The following CAP2 variants were observed in gnomAD, a reference collection of about 807,000 sequenced individuals.
CAP2 encodes adenylyl cyclase-associated protein 2.
In CAP2, 24 loss-of-function variants were observed where a neutral mutation model predicts 57.7. The observed-to-expected ratio is 0.42, with a 90% CI of 0.30 to 0.58. The LOEUF is 0.58. CAP2 is among the 20% of genes least tolerant of loss of function. The probability of loss-of-function intolerance (pLI) is 0.22; values close to 1 mark genes in which losing one functional copy is unlikely to be tolerated. For missense variants in CAP2, 501 were observed against 590.3 expected (o/e 0.85, Z 1.57); for synonymous variants, 194 against 207.2 (o/e 0.94, Z 0.55).
chr6:17,437,578 CAT>C (rs1310112107), intron 3 of CAP2, among the ~76,000 whole-genome samples: 1 of 152,048 alleles, frequency 6.6e-6, no homozygotes, highest in Non-Finnish European at 1.5e-5. Context: ...AGCACTTTTT[CAT>C]ATGTTTAAGG....
intron 1 of CAP2, among the ~76,000 whole-genome samples, chr6:17,402,296 G>A (rs1758838485): frequency 6.6e-6 from 1 of 152,146 alleles, no homozygotes; most frequent in African/African-American, 2.4e-5. Flanking sequence ...AATGGTTTAT[G>A]TCTAACCCAT....
At chr6:17,506,637 C>CA (rs11299768) in intron 4 of CAP2, among the ~76,000 whole-genome samples, 1,706 of 145,488 alleles carry the variant, frequency 0.012, 37 homozygotes, top group African/African-American at 0.036. Context: ...GACTCCATCT[C>CA]AAAAAAAAAA....
intron 4 of CAP2, among the ~76,000 whole-genome samples, chr6:17,478,718 G>A (rs1200647240): frequency 6.6e-6 from 1 of 152,010 alleles, no homozygotes; most frequent in Non-Finnish European, 1.5e-5. Flanking sequence ...GGAACACTCT[G>A]TCCTCCCTGA....
intron 3 of CAP2, among the ~76,000 whole-genome samples, chr6:17,428,699 C>T (rs1759651654): frequency 6.6e-6 from 1 of 151,352 alleles, no homozygotes; most frequent in South Asian, 2.1e-4. Context: ...GGGTGCAGCG[C>T]ACCAGCATGG....
chr6:17,551,573 T>C lies in CAP2; in HGVS notation c.1319T>C (p.Met440Thr), dbSNP rs1405995552. The C allele has an allele frequency of 5.6e-6, 9 of 1,611,958 alleles. No individual in the cohort carries two copies. Among genetic ancestry groups the C allele is most frequent in the Non-Finnish European group, 5.9e-6 (7 of 1,178,684 alleles). Residue 440 changes from methionine (M) to threonine (T), a missense_variant, in exon 12 of 13, where the codon ATG becomes ACG. Coordinates refer to ENST00000229922, the MANE Select transcript of CAP2 (RefSeq NM_006366.3). The part of the protein sequence containing the change: ...CEIVSAKSSE[M>T]NILIPQDGDY... ...ATCGTGAGCGCCAAGTCATCTGAAA[T>C]GAACATACTTATCCCTCAGGATGGT...
At chr6:17,405,253 C>T (rs978396157) in intron 1 of CAP2, among the ~76,000 whole-genome samples, 4 of 151,754 alleles carry the variant, frequency 2.6e-5, no homozygotes, top group Admixed American at 6.6e-5. Context: ...GTGGTATAGA[C>T]GCTTGTTAAT....
At chr6:17,507,144 G>T (rs746014046) in intron 4 of CAP2, 25 bp from the exon 5 acceptor site, 4 of 1,614,036 alleles carry the variant, frequency 2.5e-6, no homozygotes, top group Non-Finnish European at 3.4e-6. Context: ...TGTAGTAAAA[G>T]CCCCCGATGT....
Position 17,467,636 on chromosome 6 carries a change from G to C in CAP2, c.300+4563G>C, listed in dbSNP as rs144676839. Among the ~76,000 whole-genome samples the C allele has an allele frequency of 2.6e-3, 397 of 152,202 alleles. 2 individuals are homozygous for C. Among genetic ancestry groups the C allele is most frequent in the African/African-American group, 8.8e-3 (365 of 41,536 alleles). On this transcript the variant is annotated intron_variant, in intron 4 of 12. Transcript: ENST00000229922. ...CCTCCTAGCTTCAAGCAATTCTCCT[G>C]CCTCAGCCTCCTGAGTAGCTGGGAT...
rs368857405 is a variant in CAP2 at position 17,394,806 on chromosome 6, CTAAT to C, written c.-2+1063_-2+1066del. ...GAATTGGATTTATAGTTACTAGAGT[CTAAT>C]TAGACTGCAAGCCTCTTGAAAGCAA... On this transcript the variant is annotated intron_variant, in intron 1 of 12. Transcript: ENST00000229922. 2.9e-3 allele frequency among the ~76,000 whole-genome samples: 442 copies of C among 152,276 alleles called. 2 individuals carry two copies. Among genetic ancestry groups the C allele is most frequent in the African/African-American group, 9.4e-3 (390 of 41,544 alleles).
chr6:17,458,815 A>T (rs1290490679), intron 3 of CAP2, among the ~76,000 whole-genome samples: 1 of 151,688 alleles, frequency 6.6e-6, no homozygotes, highest in Non-Finnish European at 1.5e-5. Context: ...AAATGAAATT[A>T]TGTATAGAAG....
At chr6:17,491,554 C>T (rs1310394930) in intron 4 of CAP2, among the ~76,000 whole-genome samples, 1 of 152,178 alleles carries the variant, frequency 6.6e-6, no homozygotes, top group Non-Finnish European at 1.5e-5. Context: ...CAGAACCTTA[C>T]AGATGACATA....
At chr6:17,540,434 A>C (rs1016215084) in intron 8 of CAP2, among the ~76,000 whole-genome samples, 2 of 150,056 alleles carry the variant, frequency 1.3e-5, no homozygotes, top group African/African-American at 4.9e-5. Flanking sequence ...CCAACAGAAG[A>C]GGTTCCTCAA....
In CAP2 at chr6:17,445,517, A is replaced by T. The variant is rs1429458092; in HGVS notation, c.223-17479A>T. On this transcript the variant is annotated intron_variant, in intron 3 of 12. Transcript: ENST00000229922. ...TTCCCCCTCAATTGTTTTCAAAATGATAGCGATCGGGCAAGAAATGACTTT... is the reference window on the plus strand; with the variant it reads ...TTCCCCCTCAATTGTTTTCAAAATGTTAGCGATCGGGCAAGAAATGACTTT... Among the ~76,000 whole-genome samples the T allele has an allele frequency of 7.2e-5, 11 of 152,340 alleles. No individual in the cohort carries two copies. In the Middle Eastern group the frequency reaches 0.014, roughly 188 times the overall value.
At chr6:17,476,760 A>G (rs1329693876) in intron 4 of CAP2, among the ~76,000 whole-genome samples, 3 of 151,918 alleles carry the variant, frequency 2.0e-5, no homozygotes, top group South Asian at 2.1e-4. Context: ...GTGGCTTGTC[A>G]GTTAGAATGA....
rs1289094250 is a variant in CAP2 at position 17,557,292 on chromosome 6, T to C, written c.*850T>C. ...AAATTATGTCTTTAACGTTTTCTTATAGACTAATTTCCTCTTTTCCACCTG... is the reference window on the plus strand; with the variant it reads ...AAATTATGTCTTTAACGTTTTCTTACAGACTAATTTCCTCTTTTCCACCTG... On this transcript the variant is annotated 3_prime_UTR_variant, in exon 13 of 13. Transcript: ENST00000229922. 6.6e-6 allele frequency: 1 copy of C among 152,220 alleles called. No homozygotes were observed. The highest frequency in any genetic ancestry group is 1.5e-5 in the Non-Finnish European group (1 of 68,024). 9.4% of individuals were successfully genotyped at this position (152,220 alleles called of 1,614,324 possible).
intron 4 of CAP2, among the ~76,000 whole-genome samples, chr6:17,469,030 C>CCACCT (rs3836946): frequency 3.3e-5 from 5 of 152,302 alleles, no homozygotes; most frequent in South Asian, 2.1e-4. Context: ...TGGCCTGAGG[C>CCACCT]CACCTCACCT....
In CAP2 at chr6:17,513,857, G is replaced by C. The variant is rs576260321; in HGVS notation, c.539G>C (p.Arg180Pro). 3 of 1,608,522 alleles carry C rather than the reference G, an allele frequency of 1.9e-6. No homozygotes were observed. Among genetic ancestry groups the C allele is most frequent in the Non-Finnish European group, 2.6e-6 (3 of 1,174,970 alleles). ...VLKDYKHSDL[R>P]HVDWVKSYLN... is the part of the protein sequence containing the mutation. The stretch of plus-strand genomic sequence containing the variant: ...CCTCTTTCACAACAAAGTGATTTGC[G>C]TCATGTGGATTGGGTGAAGTCATAT... Residue 180 changes from arginine (R) to proline (P), a missense_variant, in exon 7 of 13, where the codon CGT becomes CCT. Transcript: ENST00000229922. The surrounding 1 kb of genome is among the most constrained non-coding windows in gnomAD (Gnocchi z 4.3).
At chr6:17,473,157 G>T (rs1456623383) in intron 4 of CAP2, among the ~76,000 whole-genome samples, 1 of 152,102 alleles carries the variant, frequency 6.6e-6, no homozygotes, top group Non-Finnish European at 1.5e-5. Flanking sequence ...GGGGATTCAA[G>T]AGATTATCTG....
At chr6:17,519,535 C>G (rs1295482342) in intron 7 of CAP2, among the ~76,000 whole-genome samples, 1 of 152,140 alleles carries the variant, frequency 6.6e-6, no homozygotes. Flanking sequence ...TAGTTTCATC[C>G]TTGGGACTGG....
Sources: allele counts gnomAD v4.1 joint callset (sites outside exome capture counted in the v4.1 genomes callset), GRCh38; gene constraint gnomAD v4.1.1; non-coding constraint Gnocchi (gnomAD v3.1); transcripts MANE v1.5; gene names NCBI Gene and HGNC (gene_info 2026-07-23, HGNC 2026-07-21).